Variants in FBF1 observed in about 807,000 individuals in gnomAD.
FBF1 encodes the protein Fas binding factor 1.
In FBF1, 119 loss-of-function variants were observed where a neutral mutation model predicts 147.2. The ratio of observed to expected loss-of-function variants is 0.81; its 90% CI spans 0.70 to 0.94. FBF1 has a LOEUF of 0.94. Ranked by LOEUF, FBF1 falls within the 40% of genes least tolerant of loss-of-function variation. FBF1 has a pLI of 0.00. For missense variants in FBF1, 1,449 were observed against 1,500.8 expected, an observed-to-expected ratio of 0.97 and a Z score of 0.57; for synonymous variants, 601 against 609.0, an observed-to-expected ratio of 0.99 and a Z score of 0.19.
intron 6 of FBF1, among the ~76,000 whole-genome samples, 183 bp downstream of exon 6, chr17:75,931,046 G>T (rs1423841586): frequency 6.6e-6 from 1 of 151,816 alleles, no homozygotes; most frequent in African/African-American, 2.4e-5. Context: ...AGTGAGCCGA[G>T]ATCACACCAC....
intron 5 of FBF1, 41 bp downstream of exon 5, chr17:75,932,954 C>T (rs2065603142): frequency 1.4e-6 from 2 of 1,414,042 alleles, no homozygotes; most frequent in Non-Finnish European, 2.0e-6. Flanking sequence ...AGCATTTAGA[C>T]TGAAGTAGGT....
At chr17:75,914,341 T>G in intron 25 of FBF1, 43 bp from the exon 26 acceptor site, 3 of 1,556,980 alleles carry the variant, frequency 1.9e-6, no homozygotes, top group Non-Finnish European at 2.6e-6. Flanking sequence ...TCCCAGGAAT[T>G]GCGCTGCACT....
rs139148222 is a variant in FBF1 at position 75,922,646 on chromosome 17, G to T, written c.1424+540C>A. On this transcript the variant is annotated intron_variant, in intron 14 of 29. Transcript: ENST00000636174. This position sits in a 1 kb window ranked among gnomAD's most constrained non-coding sequence, Gnocchi z 5.0. ...CACTTCCTCTGGACTCCCCCAGCCT[G>T]CTGGCCCCTTGTGCCTTCCTGCCTT... Among the ~76,000 whole-genome samples, 252 of 152,200 alleles carry T rather than the reference G, an allele frequency of 1.7e-3. 4 individuals carry two copies. The highest frequency in any genetic ancestry group is 0.011 in the Admixed American group (171 of 15,296).
rs1413621560 is a variant in FBF1 at position 75,909,914 on chromosome 17, A to G, written c.*809T>C. 2.9e-6 allele frequency: 2 copies of G among 700,834 alleles called. No individual in the cohort carries two copies. The highest frequency in any genetic ancestry group is 5.4e-5 in the East Asian group (2 of 37,228). 43.4% of individuals were successfully genotyped at this position (700,834 alleles called of 1,614,324 possible). ...GCGGGAGTGGAGGAGGATCAGAGAA[A>G]CCTCTGTAGTTGTGATTGGTTCCTT... On this transcript the variant is annotated 3_prime_UTR_variant, in exon 30 of 30. Transcript: ENST00000636174.
intron 10 of FBF1, 106 bp from the exon 11 acceptor site, chr17:75,926,532 G>T: frequency 1.4e-6 from 2 of 1,430,798 alleles, no homozygotes; most frequent in Non-Finnish European, 1.8e-6. Flanking sequence ...AGGACGACAG[G>T]CTTTAGACCT....
chr17:75,913,928 C>T lies in FBF1; in HGVS notation c.3114G>A (p.Glu1038=), dbSNP rs113839911. Residue 1038 remains glutamate, a synonymous_variant, in exon 27 of 30, where the codon GAG becomes GAA. Transcript: ENST00000636174. ...QQQQERLRKQ[E]QHMHQEHLSL... ...GGAGCCTTGCCTGGTGCATGTGCTGCTCCTGCTTCCGCAGCCGCTCCTGCT... is the reference window on the plus strand; with the variant it reads ...GGAGCCTTGCCTGGTGCATGTGCTGTTCCTGCTTCCGCAGCCGCTCCTGCT... 42 of 1,545,936 alleles carry T rather than the reference C, an allele frequency of 2.7e-5. No homozygotes were observed. The African/African-American group carries it at 3.0e-4, about 11-fold the overall frequency.
intron 1 of FBF1, among the ~76,000 whole-genome samples, chr17:75,938,737 G>C (rs1470155942): frequency 6.6e-6 from 1 of 151,608 alleles, no homozygotes; most frequent in African/African-American, 2.4e-5. Context: ...GTGGTGGCAG[G>C]CACCTGTAAT....
chr17:75,930,142 C>T, intron 6 of FBF1, 95 bp from the exon 7 acceptor site: 1 of 951,534 alleles, frequency 1.1e-6, no homozygotes, highest in Admixed American at 2.1e-5. Flanking sequence ...TCTGTTAGGG[C>T]AGACGGCGCG....
chr17:75,940,049 G>A (rs919851990), intron 1 of FBF1, among the ~76,000 whole-genome samples: 1 of 151,912 alleles, frequency 6.6e-6, no homozygotes, highest in African/African-American at 2.4e-5. Context: ...GGGTTCAAGC[G>A]AATCTCCTGC....
rs79549614 is a variant in FBF1 at position 75,923,732 on chromosome 17, G to A, written c.969-91C>T. 9.7e-4 allele frequency: 1,249 copies of A among 1,294,116 alleles called. 14 individuals carry two copies. In the African/African-American group the frequency reaches 0.017, roughly 18 times the overall value. The allele number at this position is 1,294,116 out of a possible 1,614,324, so 80.2% of individuals were successfully genotyped here. On this transcript the variant is annotated intron_variant, in intron 13 of 29. Coordinates refer to ENST00000636174, the MANE Select transcript of FBF1 (RefSeq NM_001319193.2). This position sits in a 1 kb window ranked among gnomAD's most constrained non-coding sequence, Gnocchi z 4.1. Reference sequence around the variant, plus strand: ...TGCAGCTGGGCGTCACGATGCCCAGGGACCCTGCACAGTCAGCTGAGGCCC... The same window carrying A: ...TGCAGCTGGGCGTCACGATGCCCAGAGACCCTGCACAGTCAGCTGAGGCCC...
chr17:75,920,315 G>C lies in FBF1; in HGVS notation c.1789C>G (p.Leu597Val). The C allele has an allele frequency of 6.2e-7, 1 of 1,611,300 alleles. No homozygotes were observed. Among genetic ancestry groups the C allele is most frequent in the Non-Finnish European group, 8.5e-7 (1 of 1,179,284 alleles). The change falls in exon 18 of 30, where the codon CTG becomes GTG. Residue 597 changes from leucine to valine, a missense_variant. Leu to Val is a conservative substitution (Grantham distance 32, BLOSUM62 1). Transcript: ENST00000636174. Reference protein sequence around the residue: ...QCSPAELQAELLHSQARLAEL... With the variant: ...QCSPAELQAEVLHSQARLAEL... ...GCCAGCCGGGCCTGGCTATGCAGCA[G>C]CTCGGCCTGGAGCTCAGCGGGGCTG... is the stretch of plus-strand genomic sequence containing the variant.
In FBF1 at chr17:75,923,951, G is replaced by A. The variant is rs2065545207; in HGVS notation, c.969-310C>T. Among the ~76,000 whole-genome samples, 1 of 152,194 alleles carries A rather than the reference G, an allele frequency of 6.6e-6. No homozygotes were observed. The highest frequency in any genetic ancestry group is 6.5e-5 in the Admixed American group (1 of 15,278). ...AATCAGGCCGAGCACGGTGGCTCAT[G>A]TCTGTAATCCCAGATCTTTGGGAGG... On this transcript the variant is annotated intron_variant, in intron 13 of 29. Coordinates refer to ENST00000636174, the MANE Select transcript of FBF1 (RefSeq NM_001319193.2). This position sits in a 1 kb window ranked among gnomAD's most constrained non-coding sequence, Gnocchi z 4.1.
At position 75,914,889 on chromosome 17, in the gene FBF1, C is replaced by T. The variant is rs369687550; in HGVS notation, c.2672G>A (p.Gly891Glu). 6.2e-7 allele frequency: 1 copy of T among 1,612,412 alleles called. No homozygotes were observed. The highest frequency in any genetic ancestry group is 8.5e-7 in the Non-Finnish European group (1 of 1,179,658). Residue 891 changes from glycine to glutamate, a missense_variant, in exon 25 of 30, where the codon GGG becomes GAG. By Grantham distance (98) the Gly-to-Glu change is moderately conservative. Transcript: ENST00000636174. ...EEQKSVMLKC[G>E]EERRRLAAEW... ...GGCAGCCAGGCGCCGCCGCTCCTCC[C>T]CGCACTTGAGCATGACAGACTTCTG...
chr17:75,919,687 G>C lies in FBF1; in HGVS notation c.2119C>G (p.Arg707Gly). 6 of 1,608,122 alleles carry C rather than the reference G, an allele frequency of 3.7e-6. No homozygotes were observed. Among genetic ancestry groups the C allele is most frequent in the Non-Finnish European group, 5.1e-6 (6 of 1,178,238 alleles). The change falls in exon 20 of 30, where the codon CGG (arginine) becomes GGG (glycine). Residue 707 changes from arginine (R) to glycine (G), a missense_variant. Physicochemically the swap from Arg to Gly is moderately radical, Grantham distance 125 (BLOSUM62 -2). Transcript: ENST00000636174. This position sits in a 1 kb window ranked among gnomAD's most constrained non-coding sequence, Gnocchi z 5.0. ...IAQEKDQEME[R>G]LRELQRASIL... ...CCTCACCGCTGCAGCTCCCGGAGCC[G>C]CTCCATTTCCTGGTCCTTCTCCTGC...
intron 22 of FBF1, 23 bp downstream of exon 22, chr17:75,917,908 G>A (rs890760833): frequency 9.4e-6 from 15 of 1,589,982 alleles, no homozygotes; most frequent in Admixed American, 3.5e-5. Flanking sequence ...AGGAGCCGGG[G>A]TGGCTGAGAG....
chr17:75,932,495 T>C (rs908249416), intron 5 of FBF1, among the ~76,000 whole-genome samples: 3 of 152,190 alleles, frequency 2.0e-5, no homozygotes, highest in Admixed American at 1.3e-4. Context: ...CTCACACCTG[T>C]AATCCCAGCA....
At position 75,914,736 on chromosome 17, in the gene FBF1, C is replaced by T. The variant is rs775866087; in HGVS notation, c.2814+11G>A. The stretch of plus-strand genomic sequence containing the variant: ...CTGGGCCCTCCACTGTCCGGAGGCT[C>T]TGGGCCCTACCTTGGCCAGGCTGAT... On this transcript the variant is annotated intron_variant, in intron 25 of 29. Coordinates refer to ENST00000636174, the MANE Select transcript of FBF1 (RefSeq NM_001319193.2). 1 of 1,550,436 alleles carries T rather than the reference C, an allele frequency of 6.4e-7. No individual in the cohort carries two copies. The highest frequency in any genetic ancestry group is 1.2e-5 in the South Asian group (1 of 83,446).
At chr17:75,920,830 TG>T (rs34022293) in intron 17 of FBF1, among the ~76,000 whole-genome samples, 9,643 of 120,126 alleles carry the variant, frequency 0.08, 560 homozygotes, top group African/African-American at 0.16. Context: ...GACACACTCC[TG>T]GGGGGGGGGG....
Position 75,922,821 on chromosome 17 carries a change from C to T in FBF1, c.1424+365G>A, listed in dbSNP as rs922503691. 6.6e-6 allele frequency among the ~76,000 whole-genome samples: 1 copy of T among 152,228 alleles called. No individual in the cohort carries two copies. Among genetic ancestry groups the T allele is most frequent in the African/African-American group, 2.4e-5 (1 of 41,460 alleles). On this transcript the variant is annotated intron_variant, in intron 14 of 29. Coordinates refer to ENST00000636174, the MANE Select transcript of FBF1 (RefSeq NM_001319193.2). The surrounding 1 kb of genome is among the most constrained non-coding windows in gnomAD (Gnocchi z 5.0). ...GCTTCAGTGGAGTCGGCAGAAGCAC[C>T]GGCTGTTTGGATGCCGGGGCTTCCA... is the stretch of plus-strand genomic sequence containing the variant.
Sources: gnomAD v4.1 joint callset for allele counts (sites outside exome capture counted in the v4.1 genomes callset) on GRCh38, gnomAD v4.1.1 for gene constraint, Gnocchi (gnomAD v3.1) non-coding constraint, MANE v1.5 for transcripts, NCBI Gene and HGNC (gene_info 2026-07-23, HGNC 2026-07-21) for gene names.